Variants in HORMAD2 observed in about 807,000 individuals in gnomAD.
HORMAD2 encodes HORMA domain-containing protein 2.
In HORMAD2, 45 loss-of-function variants were observed where a neutral mutation model predicts 38.8. The observed-to-expected ratio is 1.16, with a 90% CI of 0.91 to 1.49. The LOEUF (loss-of-function observed/expected upper bound fraction) is 1.49, where lower values mean the gene tolerates loss of function less well. Ranked by LOEUF, HORMAD2 falls within the 40% of genes most tolerant of loss-of-function variation. The probability of loss-of-function intolerance (pLI) is 0.00; values close to 1 mark genes in which losing one functional copy is unlikely to be tolerated. For synonymous variants in HORMAD2, 126 were observed against 122.8 expected (o/e 1.03, Z -0.17); for missense variants, 338 against 367.0 (o/e 0.92, Z 0.65).
chr22:30,139,036 G>GA (rs1174888903), intron 10 of HORMAD2, among the ~76,000 whole-genome samples: 3 of 151,544 alleles, frequency 2.0e-5, no homozygotes, highest in Non-Finnish European at 2.9e-5. Flanking sequence ...GCCTCCCTGA[G>GA]CGGGAGGGAA....
chr22:30,139,254 C>CTATATATATATATA lies in HORMAD2; in HGVS notation c.819+17060_819+17073dup, dbSNP rs3067131. Among the ~76,000 whole-genome samples, 672 of 96,584 alleles carry CTATATATATATATA rather than the reference C, an allele frequency of 7.0e-3. 5 individuals carry two copies. The highest frequency in any genetic ancestry group is 0.011 in the African/African-American group (210 of 19,926). The allele number at this position is 96,584 out of a possible 152,430, so 63.4% of individuals were successfully genotyped here. A position where few individuals can be genotyped will look rare whatever the true frequency, so the allele number is the denominator to read the frequency against. On this transcript the variant is annotated intron_variant, in intron 10 of 10. Transcript: ENST00000336726. ...TGTTTATATATATATATGAACTGTA[C>CTATATATATATATA]TATATATATATATATATATATATAT... is the stretch of plus-strand genomic sequence containing the variant.
At chr22:30,169,822 A>G (rs1054702338) in intron 10 of HORMAD2, among the ~76,000 whole-genome samples, 7 of 152,176 alleles carry the variant, frequency 4.6e-5, no homozygotes, top group Admixed American at 3.3e-4. Flanking sequence ...GCATTACCAC[A>G]AACTTGGATA....
At chr22:30,159,929 T>G (rs1329383073) in intron 10 of HORMAD2, among the ~76,000 whole-genome samples, 1 of 152,076 alleles carries the variant, frequency 6.6e-6, no homozygotes, top group Non-Finnish European at 1.5e-5. Context: ...CAGCTCTAAG[T>G]TTTCATGAGT....
chr22:30,152,266 T>G (rs979035036), intron 10 of HORMAD2, among the ~76,000 whole-genome samples: 1 of 152,032 alleles, frequency 6.6e-6, no homozygotes, highest in Non-Finnish European at 1.5e-5. Context: ...GGTACAATCA[T>G]AGCTCACTGC....
downstream of HORMAD2, among the ~76,000 whole-genome samples, chr22:30,180,951 CCTCTCCTCT>C (rs1926684111): frequency 8.6e-6 from 1 of 116,802 alleles, no homozygotes; most frequent in Non-Finnish European, 1.8e-5. Flanking sequence ...CCTCTCCTCT[CCTCTCCTCT>C]CCTCTCCTCT....
At chr22:30,160,438 C>G (rs894362762) in intron 10 of HORMAD2, among the ~76,000 whole-genome samples, 1 of 151,940 alleles carries the variant, frequency 6.6e-6, no homozygotes, top group African/African-American at 2.4e-5. Context: ...CTTACTGTGG[C>G]CAGGCCTGGC....
intron 1 of HORMAD2, among the ~76,000 whole-genome samples, chr22:30,089,498 G>A (rs987859118): frequency 2.0e-5 from 3 of 151,712 alleles, no homozygotes; most frequent in African/African-American, 7.3e-5. Context: ...GACTATAGGC[G>A]CCTGCCACTA....
chr22:30,151,117 A>G (rs1285594503), intron 10 of HORMAD2, among the ~76,000 whole-genome samples: 2 of 152,192 alleles, frequency 1.3e-5, no homozygotes, highest in South Asian at 2.1e-4. Flanking sequence ...GGTTTGGTCC[A>G]CTGCTGGTTT....
chr22:30,104,398 C>G lies in HORMAD2; in HGVS notation c.258-3C>G. The G allele has an allele frequency of 6.2e-7, 1 of 1,609,040 alleles. No homozygotes were observed. Among genetic ancestry groups the G allele is most frequent in the Non-Finnish European group, 8.5e-7 (1 of 1,177,584 alleles). On this transcript the variant is annotated splice_polypyrimidine_tract_variant and splice_region_variant and intron_variant, in intron 4 of 10. Coordinates refer to ENST00000336726, the MANE Select transcript of HORMAD2 (RefSeq NM_152510.4). ...TTGACATCAAACATTTATTTCTTGACAGGATTCAAGGTTGTTTTGATGCTT... is the reference window on the plus strand; with the variant it reads ...TTGACATCAAACATTTATTTCTTGAGAGGATTCAAGGTTGTTTTGATGCTT...
intron 6 of HORMAD2, among the ~76,000 whole-genome samples, chr22:30,112,226 T>C (rs1921717841): frequency 6.6e-6 from 1 of 152,106 alleles, no homozygotes; most frequent in African/African-American, 2.4e-5. Flanking sequence ...ATTGAACAAA[T>C]TTTAAACCAT....
At chr22:30,095,228 A>G (rs1378098945) in intron 2 of HORMAD2, among the ~76,000 whole-genome samples, 1 of 152,224 alleles carries the variant, frequency 6.6e-6, no homozygotes, top group Non-Finnish European at 1.5e-5. Context: ...CTTAAATCAA[A>G]TATTTTGTCA....
At chr22:30,088,203 A>ATATACATATATACCTATG (rs2068616027) in intron 1 of HORMAD2, among the ~76,000 whole-genome samples, 1 of 150,276 alleles carries the variant, frequency 6.7e-6, no homozygotes, top group African/African-American at 2.4e-5. Flanking sequence ...ATGTATACAT[A>ATATACATATATACCTATG]TATACATATA....
chr22:30,176,336 G>A lies in HORMAD2; in HGVS notation c.*169G>A, dbSNP rs891431551. 20 of 564,998 alleles carry A rather than the reference G, an allele frequency of 3.5e-5. No individual in the cohort carries two copies. Among genetic ancestry groups the A allele is most frequent in the Non-Finnish European group, 5.0e-5 (16 of 318,978 alleles). 35.0% of individuals were successfully genotyped at this position (564,998 alleles called of 1,614,324 possible). A position where few individuals can be genotyped will look rare whatever the true frequency, so the allele number is the denominator to read the frequency against. On this transcript the variant is annotated 3_prime_UTR_variant, in exon 11 of 11. Transcript: ENST00000336726. Reference sequence around the variant, plus strand: ...TGCTAAATTACTGGCCAGGTAGGACGCGAGTCCACTTTGCCATAAGGAAAG... The same window carrying A: ...TGCTAAATTACTGGCCAGGTAGGACACGAGTCCACTTTGCCATAAGGAAAG...
intron 7 of HORMAD2, among the ~76,000 whole-genome samples, chr22:30,116,500 T>A (rs1922055084): frequency 6.6e-6 from 1 of 152,186 alleles, no homozygotes; most frequent in Admixed American, 6.5e-5. Flanking sequence ...AGGCTGCATA[T>A]GTTGCTGCTG....
At chr22:30,187,447 A>C in the HORMAD2 span, among the ~76,000 whole-genome samples, 1 of 152,192 alleles carries the variant, frequency 6.6e-6, no homozygotes, top group Non-Finnish European at 1.5e-5. Flanking sequence ...TAAGAAAAGC[A>C]CAAAGAAGAA....
At chr22:30,171,067 CTCTT>C (rs1926080728) in intron 10 of HORMAD2, among the ~76,000 whole-genome samples, 2 of 152,170 alleles carry the variant, frequency 1.3e-5, no homozygotes, top group Non-Finnish European at 2.9e-5. Flanking sequence ...TTTTATCTCT[CTCTT>C]TCTCAGTCTA....
chr22:30,191,788 GC>G, the HORMAD2 span, among the ~76,000 whole-genome samples: 1 of 152,088 alleles, frequency 6.6e-6, no homozygotes. Flanking sequence ...TTTGCTTGTA[GC>G]TCTGAATTTT....
chr22:30,129,255 A>AAGAG (rs1569102362), intron 10 of HORMAD2, among the ~76,000 whole-genome samples: 6 of 48,454 alleles, frequency 1.2e-4, no homozygotes, highest in East Asian at 3.8e-4. Flanking sequence ...AAAAAAAAAA[A>AAGAG]AGAGAGAGAG....
At chr22:30,086,175 G>A (rs994967584) in intron 1 of HORMAD2, among the ~76,000 whole-genome samples, 6 of 152,058 alleles carry the variant, frequency 3.9e-5, no homozygotes, top group African/African-American at 9.7e-5. Flanking sequence ...TTCTCTGGCC[G>A]TGTAAAACAT....
Sources: gnomAD v4.1 joint callset for allele counts (sites outside exome capture counted in the v4.1 genomes callset) on GRCh38, gnomAD v4.1.1 for gene constraint, MANE v1.5 for transcripts, NCBI Gene and HGNC (gene_info 2026-07-23, HGNC 2026-07-21) for gene names.